Variants in ERAP1 observed in about 807,000 individuals in gnomAD.
ERAP1 encodes adipocyte-derived leucine aminopeptidase.
In ERAP1, 86 loss-of-function variants were observed where a neutral mutation model predicts 103.7. That is an observed-to-expected ratio of 0.83 (90% CI 0.70 to 0.99). The LOEUF is 0.99. Among genes scored for constraint, ERAP1 ranks in the 50% least tolerant of loss-of-function variants. The pLI, the probability that ERAP1 is intolerant of heterozygous loss-of-function variation, is 0.00. For synonymous variants in ERAP1, 398 were observed against 402.4 expected, an observed-to-expected ratio of 0.99 and a Z score of 0.13; for missense variants, 1,009 against 1,128.4, an observed-to-expected ratio of 0.89 and a Z score of 1.52.
the ERAP1 span, among the ~76,000 whole-genome samples, chr5:96,933,383 C>T: frequency 6.6e-6 from 1 of 151,924 alleles, no homozygotes; most frequent in Non-Finnish European, 1.5e-5. Context: ...CAGGTGTGTG[C>T]CACCACTCCC....
chr5:96,901,218 G>T, the ERAP1 span, among the ~76,000 whole-genome samples: 2 of 152,052 alleles, frequency 1.3e-5, no homozygotes, highest in South Asian at 4.2e-4. Flanking sequence ...TTTTGAAAGG[G>T]GTCAGGAAAG....
the ERAP1 span, among the ~76,000 whole-genome samples, chr5:96,844,965 T>C: frequency 6.6e-6 from 1 of 152,146 alleles, no homozygotes; most frequent in East Asian, 1.9e-4. Context: ...TGAGAAAAAT[T>C]ATGTCTGATT....
At chr5:96,792,027 C>A in intron 8 of ERAP1, 34 bp downstream of exon 8, 1 of 1,612,296 alleles carries the variant, frequency 6.2e-7, no homozygotes, top group Non-Finnish European at 8.5e-7. Context: ...ACTTTAGTAT[C>A]TAAACTGTAT....
the ERAP1 span, among the ~76,000 whole-genome samples, chr5:96,815,132 A>C: frequency 6.6e-6 from 1 of 152,232 alleles, no homozygotes; most frequent in Non-Finnish European, 1.5e-5. Flanking sequence ...CAAAGATGTC[A>C]AAATTAAACT....
At chr5:96,897,472 A>G in the ERAP1 span, among the ~76,000 whole-genome samples, 4 of 152,168 alleles carry the variant, frequency 2.6e-5, no homozygotes, top group African/African-American at 7.2e-5. Flanking sequence ...GTTCCACATA[A>G]TAGTACCCTC....
chr5:96,793,287 TATC>T, intron 7 of ERAP1, 110 bp downstream of exon 7: 2 of 833,476 alleles, frequency 2.4e-6, no homozygotes, highest in Non-Finnish European at 2.0e-6. Context: ...TCAAGGAAGT[TATC>T]AGTGAAATAT....
At chr5:96,932,925 T>A in the ERAP1 span, among the ~76,000 whole-genome samples, 1 of 152,178 alleles carries the variant, frequency 6.6e-6, no homozygotes, top group Admixed American at 6.5e-5. Flanking sequence ...TGTCACATTA[T>A]CTCCTTTGAT....
the ERAP1 span, among the ~76,000 whole-genome samples, chr5:96,893,721 A>C: frequency 6.6e-6 from 1 of 152,110 alleles, no homozygotes; most frequent in Non-Finnish European, 1.5e-5. Context: ...TTGTCTTCCC[A>C]TTGATTACCA....
chr5:96,846,285 AG>A, the ERAP1 span, among the ~76,000 whole-genome samples: 1 of 152,192 alleles, frequency 6.6e-6, no homozygotes, highest in Non-Finnish European at 1.5e-5. Context: ...TACACATCAA[AG>A]TTTGAGAGCC....
At chr5:96,820,277 A>T in the ERAP1 span, among the ~76,000 whole-genome samples, 1 of 152,260 alleles carries the variant, frequency 6.6e-6, no homozygotes, top group African/African-American at 2.4e-5. Context: ...AGCAAACAAC[A>T]TAGCTTAAAA....
chr5:96,822,948 C>A, the ERAP1 span: 1 of 427,548 alleles, frequency 2.3e-6, no homozygotes, highest in Non-Finnish European at 4.7e-6. Flanking sequence ...TGAGGCATGA[C>A]TGGAGAGGGA....
At chr5:96,896,302 CCTA>C in the ERAP1 span, 3 of 1,237,764 alleles carry the variant, frequency 2.4e-6, no homozygotes, top group Non-Finnish European at 3.4e-6. Context: ...TCTTACTAAA[CCTA>C]CTATGTTTTC....
At chr5:96,842,143 T>C in the ERAP1 span, among the ~76,000 whole-genome samples, 1 of 152,222 alleles carries the variant, frequency 6.6e-6, no homozygotes, top group African/African-American at 2.4e-5. Context: ...CCGAGTAGTA[T>C]TCCATGGTAT....
At chr5:96,786,897 G>T in intron 11 of ERAP1, 1 of 219,676 alleles carries the variant, frequency 4.6e-6, no homozygotes, top group African/African-American at 2.3e-5. Flanking sequence ...TCACCTCCTT[G>T]GGATTCCTGT....
At chr5:96,803,154 G>A (rs921976062) in intron 2 of ERAP1, among the ~76,000 whole-genome samples, 7 of 152,112 alleles carry the variant, frequency 4.6e-5, no homozygotes, top group African/African-American at 1.4e-4. Context: ...CTCAGAAATC[G>A]AACCAAATAA....
the ERAP1 span, among the ~76,000 whole-genome samples, chr5:96,853,499 G>C: frequency 6.6e-6 from 1 of 152,158 alleles, no homozygotes; most frequent in South Asian, 2.1e-4. Context: ...CTAGTTAGAA[G>C]TGTGTACAGA....
At chr5:96,847,759 G>T in the ERAP1 span, among the ~76,000 whole-genome samples, 4 of 152,114 alleles carry the variant, frequency 2.6e-5, no homozygotes, top group Non-Finnish European at 5.9e-5. Flanking sequence ...GAAATGAAAA[G>T]ATATCTTAAG....
chr5:96,856,349 A>AAATAT, the ERAP1 span, among the ~76,000 whole-genome samples: 3 of 8,538 alleles, frequency 3.5e-4, no homozygotes, highest in African/African-American at 7.2e-4. Flanking sequence ...AAAAAAAAAA[A>AAATAT]ATATATATAT....
the ERAP1 span, chr5:96,902,442 TAACAA>T: frequency 5.3e-6 from 4 of 759,732 alleles, no homozygotes; most frequent in African/African-American, 1.7e-5. Flanking sequence ...TAAGTAAATC[TAACAA>T]TAAAAGATTT....
Sources: gnomAD v4.1 joint callset for allele counts (sites outside exome capture counted in the v4.1 genomes callset) on GRCh38, gnomAD v4.1.1 for gene constraint, MANE v1.5 for transcripts, NCBI Gene and HGNC (gene_info 2026-07-23, HGNC 2026-07-21) for gene names.